SLC12A4: variants seen among roughly 807,000 people sequenced by gnomAD.
SLC12A4 encodes solute carrier family 12 member 4, also known as electroneutral potassium-chloride cotransporter 1.
A neutral mutation model predicts 119.2 loss-of-function variants in SLC12A4; 84 were observed. The ratio of observed to expected loss-of-function variants is 0.70; its 90% CI spans 0.59 to 0.85. The LOEUF is 0.85. Among genes scored for constraint, SLC12A4 ranks in the 40% least tolerant of loss-of-function variants. The pLI, the probability that SLC12A4 is intolerant of heterozygous loss-of-function variation, is 0.00. For synonymous variants in SLC12A4, 599 were observed against 604.6 expected (o/e 0.99, Z 0.14); for missense variants, 1,298 against 1,476.3 (o/e 0.88, Z 1.98).
intron 21 of SLC12A4, 74 bp from the exon 22 acceptor site, chr16:67,945,627 C>A (rs2058335133): frequency 9.1e-6 from 14 of 1,539,216 alleles, no homozygotes; most frequent in Non-Finnish European, 1.2e-5. Flanking sequence ...CCAATGTGAC[C>A]ACCTTGCCTC....
At position 67,950,641 on chromosome 16, in the gene SLC12A4, C is replaced by A; in HGVS notation, c.1454+13G>T. 6.2e-7 allele frequency: 1 copy of A among 1,611,516 alleles called. No individual in the cohort carries two copies. The highest frequency in any genetic ancestry group is 2.2e-5 in the East Asian group (1 of 44,664). ...CCCAGCCGCTGCTAAAGAGGGGGGC[C>A]CAGCTCACTCACTTGTCCCGGAGAA... On this transcript the variant is annotated intron_variant, in intron 11 of 23. Transcript: ENST00000316341. This position sits in a 1 kb window ranked among gnomAD's most constrained non-coding sequence, Gnocchi z 4.3.
At chr16:67,964,039 G>T (rs1024557988) in intron 1 of SLC12A4, 2 of 1,550,520 alleles carry the variant, frequency 1.3e-6, no homozygotes, top group African/African-American at 2.7e-5. Context: ...GCCCAAAGGT[G>T]GCCGGCTGGC....
In SLC12A4 at chr16:67,951,641, C is replaced by T. The variant is rs995593504; in HGVS notation, c.1132+182G>A. 4.7e-6 allele frequency: 3 copies of T among 637,300 alleles called. No individual in the cohort carries two copies. The highest frequency in any genetic ancestry group is 8.1e-6 in the Non-Finnish European group (3 of 369,478). The allele number at this position is 637,300 out of a possible 1,614,324, so 39.5% of individuals were successfully genotyped here. A position where few individuals can be genotyped will look rare whatever the true frequency, so the allele number is the denominator to read the frequency against. On this transcript the variant is annotated intron_variant, in intron 8 of 23. Transcript: ENST00000316341. The surrounding 1 kb of genome is among the most constrained non-coding windows in gnomAD (Gnocchi z 5.2). ...GCTGCTGCAGGCCTTGGACGCTGGC[C>T]AGACAGGCTCCACTCACTCCAAACT...
chr16:67,945,207 C>T lies in SLC12A4; in HGVS notation c.3046G>A (p.Val1016Met), dbSNP rs1567411760. The change falls in exon 23 of 24, where the codon GTG (valine) becomes ATG (methionine). Residue 1016 changes from valine to methionine, a missense_variant. Val to Met is a conservative substitution (Grantham distance 21). Coordinates refer to ENST00000316341, the MANE Select transcript of SLC12A4 (RefSeq NM_005072.5). ...TTCACAGCAGTGTGCATGCGCCGCACATTGGATTGGTCCCTACACGTAGTG... is the reference window on the plus strand; with the variant it reads ...TTCACAGCAGTGTGCATGCGCCGCATATTGGATTGGTCCCTACACGTAGTG... ...LVHIKPDQSN[V>M]RRMHTAVKLN... 1.9e-6 allele frequency: 3 copies of T among 1,560,972 alleles called. No homozygotes were observed. The highest frequency in any genetic ancestry group is 2.6e-6 in the Non-Finnish European group (3 of 1,152,150).
At position 67,943,877 on chromosome 16, in the gene SLC12A4, A is replaced by C; in HGVS notation, c.*963T>G. The C allele has an allele frequency of 7.1e-7, 1 of 1,413,642 alleles. No individual in the cohort carries two copies. Among genetic ancestry groups the C allele is most frequent in the Non-Finnish European group, 9.6e-7 (1 of 1,046,464 alleles). 87.6% of individuals were successfully genotyped at this position (1,413,642 alleles called of 1,614,324 possible). ...AGGGCAGAAGGGCTTTGGCCAGGTC[A>C]GCTGCCAGGGGCTGGGGCCCAGGCT... On this transcript the variant is annotated 3_prime_UTR_variant, in exon 24 of 24. Coordinates refer to ENST00000316341, the MANE Select transcript of SLC12A4 (RefSeq NM_005072.5). The surrounding 1 kb of genome is among the most constrained non-coding windows in gnomAD (Gnocchi z 4.6).
At position 67,950,443 on chromosome 16, in the gene SLC12A4, G is replaced by A; in HGVS notation, c.1505C>T (p.Pro502Leu). 2 of 1,614,020 alleles carry A rather than the reference G, an allele frequency of 1.2e-6. No homozygotes were observed. The highest frequency in any genetic ancestry group is 8.5e-7 in the Non-Finnish European group (1 of 1,180,020). The stretch of plus-strand genomic sequence containing the variant: ...GCCGATGACGATGACCCAGGGTGAA[G>A]GCCAGGCCAGTGTGCCCACCACCAA... ...RNLVVGTLAW[P>L]SPWVIVIGSF... Residue 502 changes from proline (P) to leucine (L), a missense_variant, in exon 12 of 24, where the codon CCT becomes CTT. Pro to Leu is a moderately conservative substitution (Grantham distance 98). Coordinates refer to ENST00000316341, the MANE Select transcript of SLC12A4 (RefSeq NM_005072.5). The surrounding 1 kb of genome is among the most constrained non-coding windows in gnomAD (Gnocchi z 4.3).
intron 6 of SLC12A4, among the ~76,000 whole-genome samples, chr16:67,952,712 C>G (rs1191742836): frequency 1.3e-5 from 2 of 151,758 alleles, no homozygotes; most frequent in Non-Finnish European, 2.9e-5. Context: ...TCGCCTGAAT[C>G]CAGGAAGCAG....
intron 5 of SLC12A4, among the ~76,000 whole-genome samples, chr16:67,956,373 T>C (rs943727403): frequency 3.9e-5 from 6 of 152,032 alleles, no homozygotes; most frequent in African/African-American, 1.4e-4. Context: ...TGGTGTACCA[T>C]GGAGAATCCT....
chr16:67,961,558 C>T lies in SLC12A4; in HGVS notation c.342+17G>A, dbSNP rs199898814. The T allele has an allele frequency of 6.8e-5, 109 of 1,610,490 alleles. No individual in the cohort carries two copies. The highest frequency in any genetic ancestry group is 3.5e-4 in the Admixed American group (21 of 59,990). On this transcript the variant is annotated intron_variant, in intron 3 of 23. Transcript: ENST00000316341. ...GTCTTCCCAGGTGTGGCCCCTCTGC[C>T]GCCCCAACCAGCTCACCTCGGCTGC...
rs958732032 is a variant in SLC12A4 at position 67,968,582 on chromosome 16, C to CGTCCCAGCCGCCCGCCGCT, written c.-48_-30dup. 3 of 1,476,624 alleles carry CGTCCCAGCCGCCCGCCGCT rather than the reference C, an allele frequency of 2.0e-6. No individual in the cohort carries two copies. In the African/African-American group the frequency reaches 4.4e-5, roughly 22 times the overall value. The allele number at this position is 1,476,624 out of a possible 1,614,324, so 91.5% of individuals were successfully genotyped here. A position where few individuals can be genotyped will look rare whatever the true frequency, so the allele number is the denominator to read the frequency against. On this transcript the variant is annotated 5_prime_UTR_variant, in exon 1 of 24. Coordinates refer to ENST00000316341, the MANE Select transcript of SLC12A4 (RefSeq NM_005072.5). ...GCGGGCTCGGCCCCGCCGCACCCGC[C>CGTCCCAGCCGCCCGCCGCT]GTCCCAGCCGCCCGCCGCTGTCCCC... is the stretch of plus-strand genomic sequence containing the variant.
intron 16 of SLC12A4, 24 bp from the exon 17 acceptor site, chr16:67,947,129 C>G: frequency 6.4e-7 from 1 of 1,564,286 alleles, no homozygotes; most frequent in Non-Finnish European, 8.6e-7. Context: ...GTGGGGGGAG[C>G]CTGAGACCAG....
At chr16:67,957,719 G>T (rs771087718) in intron 5 of SLC12A4, 23 bp downstream of exon 5, 1 of 1,612,468 alleles carries the variant, frequency 6.2e-7, no homozygotes, top group East Asian at 2.2e-5. Flanking sequence ...TCTTCCACCA[G>T]GCCTTGGGTG....
At chr16:67,963,931 C>T (rs1404752673) in intron 1 of SLC12A4, 1 of 1,551,358 alleles carries the variant, frequency 6.4e-7, no homozygotes, top group Non-Finnish European at 8.7e-7. Context: ...TCCGGAGTAC[C>T]CAATGTGCAG....
chr16:67,958,167 G>T, intron 3 of SLC12A4, 123 bp from the exon 4 acceptor site: 3 of 924,846 alleles, frequency 3.2e-6, no homozygotes, highest in Middle Eastern at 3.0e-4. Context: ...GAGAGTAGGG[G>T]TGACAGCTAG....
rs1326082763 is a variant in SLC12A4, at chr16:67,952,206, T to C, written c.895A>G (p.Ile299Val). Residue 299 changes from isoleucine to valine, a missense_variant, in exon 7 of 24, where the codon ATA becomes GTA. Physicochemically the swap from Ile to Val is conservative, Grantham distance 29. Transcript: ENST00000316341. The part of the protein sequence containing the change: ...LSIYAGGIKS[I>V]FDPPVFPVCM... The stretch of plus-strand genomic sequence containing the variant: ...TACGGAAACACGGGAGGGTCAAATA[T>C]AGACTTTATGCCCCCAGCATAGATG... The C allele has an allele frequency of 1.2e-6, 2 of 1,614,044 alleles. No homozygotes were observed. The highest frequency in any genetic ancestry group is 3.3e-5 in the Admixed American group (2 of 60,006).
At chr16:67,963,092 A>G (rs1162886713) in intron 2 of SLC12A4, 1 of 158,666 alleles carries the variant, frequency 6.3e-6, no homozygotes, top group Non-Finnish European at 1.4e-5. Flanking sequence ...TGGAAGGGTC[A>G]ACCAAGAAAG....
rs200229449 is a variant in SLC12A4 at position 67,946,470 on chromosome 16, C to T, written c.2405G>A (p.Ser802Asn). 2 of 1,607,198 alleles carry T rather than the reference C, an allele frequency of 1.2e-6. No homozygotes were observed. The highest frequency in any genetic ancestry group is 2.2e-5 in the East Asian group (1 of 44,878). The change falls in exon 18 of 24, where the codon AGC becomes AAC. Residue 802 changes from serine (S) to asparagine (N), a missense_variant. Coordinates refer to ENST00000316341, the MANE Select transcript of SLC12A4 (RefSeq NM_005072.5). ...VLGWPYGWRQSEDPRAWKTFI... is the reference protein window; with the variant it reads ...VLGWPYGWRQNEDPRAWKTFI... ...GGTCTTCCAGGCACGGGGGTCCTCGCTCTGTCGCCAGCCGTAGGGCCAGCC... is the reference window on the plus strand; with the variant it reads ...GGTCTTCCAGGCACGGGGGTCCTCGTTCTGTCGCCAGCCGTAGGGCCAGCC...
At position 67,950,343 on chromosome 16, in the gene SLC12A4, C is replaced by T. The variant is rs140971391; in HGVS notation, c.1605G>A (p.Lys535=). ...GAPRLLQAIA[K]DNIIPFLRVF... ...CCCGGAGGAAGGGGATGATGTTGTC[C>T]TTGGCAATGGCCTGCAATAGGCGTG... Residue 535 remains lysine (K), a synonymous_variant, in exon 12 of 24, where the codon AAG becomes AAA. Coordinates refer to ENST00000316341, the MANE Select transcript of SLC12A4 (RefSeq NM_005072.5). This position sits in a 1 kb window ranked among gnomAD's most constrained non-coding sequence, Gnocchi z 4.3. The T allele has an allele frequency of 1.3e-4, 211 of 1,613,988 alleles. 1 individual carries two copies. In the African/African-American group the frequency reaches 2.5e-3, roughly 19 times the overall value.
intron 13 of SLC12A4, 53 bp from the exon 14 acceptor site, chr16:67,948,212 C>T: frequency 2.6e-6 from 4 of 1,564,124 alleles, no homozygotes; most frequent in South Asian, 2.2e-5. Context: ...AGCTGGGGAC[C>T]TGATGTCAGG....
Sources: allele counts gnomAD v4.1 joint callset (sites outside exome capture counted in the v4.1 genomes callset), GRCh38; gene constraint gnomAD v4.1.1; non-coding constraint Gnocchi (gnomAD v3.1); transcripts MANE v1.5; gene names NCBI Gene and HGNC (gene_info 2026-07-23, HGNC 2026-07-21).